The following NBPF20 variants were observed in gnomAD, a reference collection of about 807,000 sequenced individuals.
NBPF20 encodes the protein NBPF member 20.
In NBPF20, 90 loss-of-function variants were observed where a neutral mutation model predicts 68.1. That is an observed-to-expected ratio of 1.32 (90% CI 1.11 to 1.58). The LOEUF (loss-of-function observed/expected upper bound fraction) is 1.58, where lower values mean the gene tolerates loss of function less well. Among genes scored for constraint, NBPF20 ranks in the 40% most tolerant of loss-of-function variants. The probability of loss-of-function intolerance (pLI) is 0.00; values close to 1 mark genes in which losing one functional copy is unlikely to be tolerated. For synonymous variants in NBPF20, 290 were observed against 228.1 expected (o/e 1.27, Z -2.45); for missense variants, 816 against 601.2 (o/e 1.36, Z -3.74).
intron 61 of NBPF20, among the ~76,000 whole-genome samples, chr1:145,352,316 C>A (rs1477906734): frequency 6.6e-5 from 6 of 90,666 alleles, no homozygotes; most frequent in Admixed American, 1.0e-4. Context: ...CACACACACA[C>A]ACACACACAC....
exon 4 of NBPF20, chr1:145,402,314 C>T (rs1234416362): frequency 4.5e-5 from 73 of 1,610,004 alleles, no homozygotes; most frequent in Non-Finnish European, 5.9e-5. Context: ...GCATCTCTCC[C>T]TTCCCGCAAC....
At chr1:145,292,088 G>C (rs1298424065) in intron 137 of NBPF20, among the ~76,000 whole-genome samples, 2 of 149,548 alleles carry the variant, frequency 1.3e-5, no homozygotes, top group Non-Finnish European at 2.9e-5. Context: ...AGCAAACTGT[G>C]ATCATGAAAA....
intron 8 of NBPF20, 79 bp downstream of exon 13, chr1:145,394,898 AG>A: frequency 7.2e-7 from 1 of 1,381,144 alleles, no homozygotes; most frequent in East Asian, 2.3e-5. Flanking sequence ...CAGCCCAACA[AG>A]GGGCACAAGG....
intron 7 of NBPF20, among the ~76,000 whole-genome samples, chr1:145,398,120 A>G (rs1662350495): frequency 6.6e-6 from 1 of 152,118 alleles, no homozygotes; most frequent in South Asian, 2.1e-4. Flanking sequence ...TAGACTCCAC[A>G]CAATCATCAT....
chr1:145,393,326 G>T, intron 9 of NBPF20, 80 bp from the exon 15 acceptor site: 5 of 677,046 alleles, frequency 7.4e-6, no homozygotes, highest in Middle Eastern at 3.9e-4. Context: ...CATGGCTAAC[G>T]TAAGGAAGAG....
chr1:145,292,424 CCCT>C, exon 137 of NBPF20: 3 of 698,970 alleles, frequency 4.3e-6, no homozygotes, highest in Non-Finnish European at 7.6e-6. Context: ...TCTTTTCTTC[CCCT>C]TCTTCTTTTC....
exon 138 of NBPF20, chr1:145,291,570 T>A (rs1553657601): frequency 1.9e-6 from 3 of 1,611,872 alleles, no homozygotes; most frequent in South Asian, 1.1e-5. Flanking sequence ...AGGTGGAGAC[T>A]TGTCACCGTC....
At chr1:145,421,211 T>C in the NBPF20 span, among the ~76,000 whole-genome samples, 1 of 152,054 alleles carries the variant, frequency 6.6e-6, no homozygotes, top group South Asian at 2.1e-4. Context: ...ATTCTTTCTG[T>C]TAGGGAATTA....
intron 8 of NBPF20, among the ~76,000 whole-genome samples, chr1:145,394,334 G>T (rs1553663199): frequency 0.015 from 2,223 of 150,682 alleles, 47 homozygotes; most frequent in African/African-American, 0.052. Context: ...ATTTGATGAA[G>T]GGGTGCAATG....
At chr1:145,419,951 G>T in the NBPF20 span, among the ~76,000 whole-genome samples, 40 of 151,922 alleles carry the variant, frequency 2.6e-4, no homozygotes, top group Non-Finnish European at 5.7e-4. Flanking sequence ...TTCAAAAGTG[G>T]CCTCTCTTTT....
chr1:145,402,676 T>C (rs1300443683), intron 3 of NBPF20, among the ~76,000 whole-genome samples: 2 of 150,684 alleles, frequency 1.3e-5, no homozygotes. Context: ...TTTCAGTTCC[T>C]CACTCTGGCC....
At chr1:145,400,988 G>C in intron 5 of NBPF20, 71 bp downstream of exon 10, 1 of 1,530,700 alleles carries the variant, frequency 6.5e-7, no homozygotes. Context: ...ATAGATGCCA[G>C]AGAGGGTGTG....
At chr1:145,416,199 T>A in the NBPF20 span, among the ~76,000 whole-genome samples, 2 of 146,766 alleles carry the variant, frequency 1.4e-5, no homozygotes, top group Non-Finnish European at 3.0e-5. Flanking sequence ...TGAAAATGTA[T>A]CATCTCAATT....
chr1:145,378,179 A>C, intron 28 of NBPF20, 85 bp from the exon 34 acceptor site: 1 of 61,710 alleles, frequency 1.6e-5, no homozygotes, highest in South Asian at 9.2e-5. Context: ...TCACACAGGG[A>C]CTTCAGGCTC....
intron 3 of NBPF20, among the ~76,000 whole-genome samples, chr1:145,402,820 A>G (rs1446174553): frequency 2.0e-5 from 3 of 150,368 alleles, no homozygotes; most frequent in African/African-American, 7.4e-5. Flanking sequence ...CAGGGTCGAG[A>G]AGGCAACATT....
chr1:145,291,327 T>A, exon 138 of NBPF20: 1 of 802,994 alleles, frequency 1.2e-6, no homozygotes, highest in South Asian at 1.7e-5. Context: ...TATGTGAACG[T>A]GTCACACCTA....
At chr1:145,405,278 C>G in exon 2 of NBPF20, 3 of 1,606,122 alleles carry the variant, frequency 1.9e-6, no homozygotes, top group South Asian at 1.1e-5. Context: ...ACCATGCTGA[C>G]GTTTGTGGCA....
At chr1:145,403,442 AG>A in intron 2 of NBPF20, 124 bp from the exon 8 acceptor site, 1 of 714,760 alleles carries the variant, frequency 1.4e-6, no homozygotes, top group South Asian at 1.7e-5. Flanking sequence ...GGGTCTAGAC[AG>A]GGATTTCCAC....
intron 2 of NBPF20, among the ~76,000 whole-genome samples, chr1:145,404,384 G>A (rs1207576416): frequency 7.2e-5 from 11 of 152,036 alleles, no homozygotes; most frequent in East Asian, 3.9e-4. Context: ...TCAGCCACCC[G>A]ATTAGTGGTG....
Sources: allele counts gnomAD v4.1 joint callset (sites outside exome capture counted in the v4.1 genomes callset), GRCh38; gene constraint gnomAD v4.1.1; transcripts MANE v1.5; gene names NCBI Gene and HGNC (gene_info 2026-07-23, HGNC 2026-07-21).